The following MAPK10 variants were observed in gnomAD, a reference collection of about 807,000 sequenced individuals.
MAPK10 encodes JNK3 alpha protein kinase.
In MAPK10, 25 loss-of-function variants were observed where a neutral mutation model predicts 59.3. The ratio of observed to expected loss-of-function variants is 0.42; its 90% CI spans 0.31 to 0.59. MAPK10 has a LOEUF of 0.59. Ranked by LOEUF, MAPK10 falls within the 20% of genes least tolerant of loss-of-function variation. The probability of loss-of-function intolerance (pLI) is 0.15; values close to 1 mark genes in which losing one functional copy is unlikely to be tolerated. For missense variants in MAPK10, 351 were observed against 568.9 expected (o/e 0.62, Z 3.90); for synonymous variants, 190 against 200.5 (o/e 0.95, Z 0.44).
chr4:86,476,492 C>T (rs1579340298), intron 1 of MAPK10, among the ~76,000 whole-genome samples: 2 of 152,240 alleles, frequency 1.3e-5, no homozygotes, highest in Admixed American at 1.3e-4. Flanking sequence ...ATGAAAAACC[C>T]AGCCCAGTTC....
intron 1 of MAPK10, among the ~76,000 whole-genome samples, chr4:86,540,604 C>T (rs555033061): frequency 6.6e-6 from 1 of 152,030 alleles, no homozygotes; most frequent in African/African-American, 2.4e-5. Flanking sequence ...GACGAGAGCA[C>T]AGAGATTACA....
intron 1 of MAPK10, among the ~76,000 whole-genome samples, chr4:86,443,948 T>C (rs1749717061): frequency 6.6e-6 from 1 of 151,188 alleles, no homozygotes; most frequent in Non-Finnish European, 1.5e-5. Context: ...GTGCTAGAGA[T>C]CAAAAACACT....
chr4:86,566,872 C>T (rs1172331875), intron 1 of MAPK10, among the ~76,000 whole-genome samples: 2 of 152,146 alleles, frequency 1.3e-5, no homozygotes, highest in South Asian at 2.1e-4. Flanking sequence ...AGTTCAAGAT[C>T]GGTCTAGGCA....
intron 2 of MAPK10, among the ~76,000 whole-genome samples, chr4:86,279,088 G>C (rs1462423530): frequency 6.6e-6 from 1 of 152,090 alleles, no homozygotes; most frequent in Non-Finnish European, 1.5e-5. Context: ...TGGGGAAGCT[G>C]GGTGAAGACC....
At chr4:86,545,132 G>A (rs1759044922) in intron 1 of MAPK10, among the ~76,000 whole-genome samples, 1 of 152,196 alleles carries the variant, frequency 6.6e-6, no homozygotes, top group South Asian at 2.1e-4. Flanking sequence ...AGGCCCATGT[G>A]TGTATCAACA....
intron 2 of MAPK10, among the ~76,000 whole-genome samples, chr4:86,338,397 T>C (rs75844587): frequency 0.032 from 4,910 of 152,292 alleles, 250 homozygotes; most frequent in African/African-American, 0.11. Context: ...TCTCAAGGAC[T>C]GCTGCAGCCC....
At chr4:86,396,346 C>CA (rs944960744) in intron 1 of MAPK10, among the ~76,000 whole-genome samples, 29 of 151,682 alleles carry the variant, frequency 1.9e-4, no homozygotes, top group East Asian at 3.9e-4. Flanking sequence ...GACTCTGTCT[C>CA]AAAAAAAAGA....
rs180827974 is a variant in MAPK10 at position 86,469,360 on chromosome 4, G to A, written c.-262-114716C>T. On this transcript the variant is annotated intron_variant, in intron 1 of 4. Coordinates refer to the MAPK10 transcript ENST00000502302. ...TCTAAGTTGTCCAAAGGTGGAATGG[G>A]CTACCTTGCAAGTCTGGAGTTCCTC... Among the ~76,000 whole-genome samples, 3 of 152,312 alleles carry A rather than the reference G, an allele frequency of 2.0e-5. No homozygotes were observed. The East Asian group carries it at 5.8e-4, about 29-fold the overall frequency.
intron 1 of MAPK10, among the ~76,000 whole-genome samples, chr4:86,409,200 T>G (rs1460403895): frequency 6.6e-6 from 1 of 152,200 alleles, no homozygotes; most frequent in African/African-American, 2.4e-5. Context: ...TTGTCAAAGA[T>G]CAGATGGTTG....
At chr4:86,278,810 C>G (rs936446272) in intron 2 of MAPK10, among the ~76,000 whole-genome samples, 1 of 151,920 alleles carries the variant, frequency 6.6e-6, no homozygotes, top group African/African-American at 2.4e-5. Flanking sequence ...AAGACAAGTC[C>G]AAATGGAAGG....
At chr4:86,392,833 G>A (rs1312806487) in intron 1 of MAPK10, among the ~76,000 whole-genome samples, 1 of 152,232 alleles carries the variant, frequency 6.6e-6, no homozygotes, top group East Asian at 1.9e-4. Context: ...CTGCGTAGGA[G>A]TACAGGAGAG....
At chr4:86,563,100 A>G (rs1362867690) in intron 1 of MAPK10, among the ~76,000 whole-genome samples, 1 of 152,226 alleles carries the variant, frequency 6.6e-6, no homozygotes, top group Non-Finnish European at 1.5e-5. Context: ...TTGAGCACTT[A>G]GTAAATATTT....
At chr4:86,051,087 T>C (rs1020664082) in intron 11 of MAPK10, among the ~76,000 whole-genome samples, 5 of 152,292 alleles carry the variant, frequency 3.3e-5, no homozygotes, top group African/African-American at 1.2e-4. Context: ...ACATACATTA[T>C]ATTCTCTTTC....
intron 4 of MAPK10, among the ~76,000 whole-genome samples, chr4:86,145,389 C>G (rs1018016672): frequency 6.7e-6 from 1 of 148,638 alleles, no homozygotes; most frequent in Non-Finnish European, 1.5e-5. Context: ...AAAAAAATTT[C>G]TATCTCTATT....
At chr4:86,345,101 A>T (rs970991338) in intron 2 of MAPK10, among the ~76,000 whole-genome samples, 2 of 152,200 alleles carry the variant, frequency 1.3e-5, no homozygotes, top group Non-Finnish European at 2.9e-5. Flanking sequence ...GAATGGGCAG[A>T]ATTAAGCTGA....
chr4:86,507,655 T>TATATACACAC (rs59148309), intron 1 of MAPK10, among the ~76,000 whole-genome samples: 1 of 71,266 alleles, frequency 1.4e-5, no homozygotes, highest in Non-Finnish European at 2.9e-5. Flanking sequence ...TATATATATA[T>TATATACACAC]ATATATATAT....
chr4:86,510,510 C>T (rs894022063), intron 1 of MAPK10, among the ~76,000 whole-genome samples: 1 of 151,374 alleles, frequency 6.6e-6, no homozygotes, highest in Non-Finnish European at 1.5e-5. Context: ...TATAAATACA[C>T]ATGAATATAT....
chr4:86,180,388 G>C (rs2076630792), intron 3 of MAPK10, among the ~76,000 whole-genome samples: 1 of 150,986 alleles, frequency 6.6e-6, no homozygotes, highest in Admixed American at 6.6e-5. Flanking sequence ...TGGTGGGAAT[G>C]TAAACTAGTA....
chr4:86,345,505 A>G (rs1727608471), intron 2 of MAPK10, among the ~76,000 whole-genome samples: 1 of 152,176 alleles, frequency 6.6e-6, no homozygotes. Context: ...AGAAATCAGG[A>G]TTTCTAAACT....
Sources: gnomAD v4.1 joint callset for allele counts (sites outside exome capture counted in the v4.1 genomes callset) on GRCh38, gnomAD v4.1.1 for gene constraint, MANE v1.5 for transcripts, NCBI Gene and HGNC (gene_info 2026-07-23, HGNC 2026-07-21) for gene names.